KIF1A: variants seen among roughly 807,000 people sequenced by gnomAD.
KIF1A encodes kinesin family member 1A.
KIF1A carries 46 observed loss-of-function variants against 227.3 expected under a neutral mutation model. That is an observed-to-expected ratio of 0.20 (90% CI 0.16 to 0.26). KIF1A has a LOEUF of 0.26. KIF1A is among the 10% of genes least tolerant of loss of function. The pLI is 1.00. For missense variants in KIF1A, 1,683 were observed against 2,485.9 expected (o/e 0.68, Z 6.87); for synonymous variants, 1,022 against 1,012.8 (o/e 1.01, Z -0.17).
chr2:240,806,366 G>A lies in KIF1A; in HGVS notation c.-60-8554C>T, dbSNP rs181024276. ...AATCCAGACACAAAAAGACTGGGCC[G>A]TTGTAATCTGAACAATTCTCAAAAC... On this transcript the variant is annotated intron_variant, in intron 1 of 48. Coordinates refer to ENST00000498729, the MANE Select transcript of KIF1A (RefSeq NM_001244008.2). Among the ~76,000 whole-genome samples, 135 of 152,332 alleles carry A rather than the reference G, an allele frequency of 8.9e-4. 1 individual carries two copies. Among genetic ancestry groups the A allele is most frequent in the African/African-American group, 3.1e-3 (127 of 41,576 alleles).
Position 240,765,622 on chromosome 2 carries a change from C to T in KIF1A, c.1768+88G>A, listed in dbSNP as rs1432067343. Reference sequence around the variant, plus strand: ...TTAAGAGCTGCCATCCCGCACAGTGCACAGGAGGCGGTGGCTTGGACATGG... The same window carrying T: ...TTAAGAGCTGCCATCCCGCACAGTGTACAGGAGGCGGTGGCTTGGACATGG... On this transcript the variant is annotated intron_variant, in intron 20 of 48. Transcript: ENST00000498729. 3 of 1,059,024 alleles carry T rather than the reference C, an allele frequency of 2.8e-6. No individual in the cohort carries two copies. The African/African-American group carries it at 4.7e-5, about 17-fold the overall frequency. The allele number at this position is 1,059,024 out of a possible 1,614,324, so 65.6% of individuals were successfully genotyped here. A position where few individuals can be genotyped will look rare whatever the true frequency, so the allele number is the denominator to read the frequency against.
chr2:240,770,906 T>C (rs969415854), intron 15 of KIF1A, 65 bp downstream of exon 15: 2 of 1,581,284 alleles, frequency 1.3e-6, no homozygotes, highest in African/African-American at 1.3e-5. Context: ...AGGGTGCCTC[T>C]CTAACTCCTC....
chr2:240,786,000 C>G (rs998786294), intron 6 of KIF1A, among the ~76,000 whole-genome samples: 1 of 152,138 alleles, frequency 6.6e-6, no homozygotes, highest in Non-Finnish European at 1.5e-5. Context: ...CTGGCCCCCA[C>G]ACAGAATGTG....
intron 1 of KIF1A, chr2:240,819,008 G>C (rs1273289171): frequency 1.3e-5 from 2 of 152,246 alleles, no homozygotes; most frequent in East Asian, 1.9e-4. Context: ...GCCGGGCGAC[G>C]TCGCGCTCGC....
At chr2:240,753,889 C>T (rs1371355245) in intron 27 of KIF1A, among the ~76,000 whole-genome samples, 1 of 152,202 alleles carries the variant, frequency 6.6e-6, no homozygotes, top group East Asian at 1.9e-4. Flanking sequence ...AGGGACTCAT[C>T]TCCAGCTCAA....
chr2:240,779,506 C>T (rs2053292503), intron 10 of KIF1A, among the ~76,000 whole-genome samples: 1 of 150,190 alleles, frequency 6.7e-6, no homozygotes, highest in Non-Finnish European at 1.5e-5. Context: ...ACACTCAGTT[C>T]CACACTCAGT....
intron 1 of KIF1A, among the ~76,000 whole-genome samples, chr2:240,813,559 CT>C: frequency 6.6e-6 from 1 of 152,296 alleles, no homozygotes; most frequent in Admixed American, 6.5e-5. Flanking sequence ...GGAGTGAAGC[CT>C]TCAGTGAGCT....
chr2:240,751,786 T>C (rs1261416327), intron 27 of KIF1A, among the ~76,000 whole-genome samples: 1 of 151,636 alleles, frequency 6.6e-6, no homozygotes, highest in Non-Finnish European at 1.5e-5. Flanking sequence ...ACAGTCAAGC[T>C]CAGCCTTGTG....
rs1373394319 is a variant in KIF1A, at chr2:240,715,899, T to A, written c.*1465A>T. 6.6e-6 allele frequency: 1 copy of A among 152,218 alleles called. No individual in the cohort carries two copies. Among genetic ancestry groups the A allele is most frequent in the East Asian group, 1.9e-4 (1 of 5,280 alleles). 9.4% of individuals were successfully genotyped at this position (152,218 alleles called of 1,614,324 possible). A position where few individuals can be genotyped will look rare whatever the true frequency, so the allele number is the denominator to read the frequency against. On this transcript the variant is annotated 3_prime_UTR_variant, in exon 49 of 49. Transcript: ENST00000498729. ...CCACGGGCCACGGCGGGAGAGGGGC[T>A]CTGTTGCTTGGCTACTGTCTTTCCT...
At chr2:240,761,411 A>G (rs1045043372) in intron 23 of KIF1A, 34 bp from the exon 24 acceptor site, 1 of 1,544,540 alleles carries the variant, frequency 6.5e-7, no homozygotes, top group African/African-American at 1.4e-5. Flanking sequence ...TCATCGCAGG[A>G]AGGCCATGAC....
At chr2:240,750,052 T>C (rs1007955990) in intron 28 of KIF1A, among the ~76,000 whole-genome samples, 2 of 152,210 alleles carry the variant, frequency 1.3e-5, no homozygotes, top group Non-Finnish European at 2.9e-5. Flanking sequence ...CCAGGTGGTC[T>C]TGGGTCCATA....
intron 38 of KIF1A, chr2:240,734,721 A>G: frequency 3.8e-6 from 5 of 1,304,586 alleles, no homozygotes; most frequent in Non-Finnish European, 4.0e-6. Flanking sequence ...GATGATACCT[A>G]GGTATGTCCG....
intron 48 of KIF1A, 31 bp downstream of exon 48, chr2:240,718,019 G>T: frequency 6.9e-7 from 1 of 1,452,802 alleles, no homozygotes; most frequent in East Asian, 2.4e-5. Context: ...GGACCCCCAT[G>T]GCAGCAACCT....
At chr2:240,762,133 G>C (rs1168603954) in intron 23 of KIF1A, among the ~76,000 whole-genome samples, 1 of 152,250 alleles carries the variant, frequency 6.6e-6, no homozygotes, top group East Asian at 1.9e-4. Flanking sequence ...AACAGGGGAA[G>C]ATACCAAGGT....
At chr2:240,728,674 A>T (rs2046293694) in intron 38 of KIF1A, among the ~76,000 whole-genome samples, 1 of 152,182 alleles carries the variant, frequency 6.6e-6, no homozygotes, top group South Asian at 2.1e-4. Context: ...GGCCAGGTGG[A>T]TGCCCAGAAG....
At chr2:240,804,282 T>C (rs2057209053) in intron 1 of KIF1A, among the ~76,000 whole-genome samples, 1 of 152,060 alleles carries the variant, frequency 6.6e-6, no homozygotes, top group African/African-American at 2.4e-5. Context: ...GTAATAATAA[T>C]AACAATAATA....
chr2:240,761,195 C>A, intron 24 of KIF1A, 34 bp downstream of exon 24: 1 of 1,592,992 alleles, frequency 6.3e-7, no homozygotes, highest in South Asian at 1.1e-5. Flanking sequence ...ACACTCTCTC[C>A]AACAGGAAAC....
chr2:240,728,072 G>A (rs1255031857), intron 38 of KIF1A, among the ~76,000 whole-genome samples: 4 of 152,140 alleles, frequency 2.6e-5, no homozygotes, highest in East Asian at 1.9e-4. Flanking sequence ...ACAGCTGGGC[G>A]GCCACGCAGG....
At chr2:240,723,309 G>GC (rs2045626648) in intron 42 of KIF1A, 104 bp downstream of exon 42, 3 of 1,163,264 alleles carry the variant, frequency 2.6e-6, no homozygotes, top group East Asian at 2.6e-5. Context: ...CAGCTGTGCT[G>GC]CCCCCCAGTA....
Sources: gnomAD v4.1 joint callset for allele counts (sites outside exome capture counted in the v4.1 genomes callset) on GRCh38, gnomAD v4.1.1 for gene constraint, MANE v1.5 for transcripts, NCBI Gene and HGNC (gene_info 2026-07-23, HGNC 2026-07-21) for gene names.